The following PLEKHH2 variants were observed in gnomAD, a reference collection of about 807,000 sequenced individuals.
PLEKHH2 encodes pleckstrin homology domain-containing family H member 2.
A neutral mutation model predicts 187.9 loss-of-function variants in PLEKHH2; 129 were observed. That is an observed-to-expected ratio of 0.69 (90% CI 0.59 to 0.79). The LOEUF (loss-of-function observed/expected upper bound fraction) is 0.79, where lower values mean the gene tolerates loss of function less well. PLEKHH2 is among the 30% of genes least tolerant of loss of function. The pLI, the probability that PLEKHH2 is intolerant of heterozygous loss-of-function variation, is 0.00. For synonymous variants in PLEKHH2, 686 were observed against 605.6 expected (o/e 1.13, Z -1.95); for missense variants, 2,076 against 1,751.2 (o/e 1.19, Z -3.31).
At chr2:43,757,035 A>C in intron 25 of PLEKHH2, 84 bp from the exon 26 acceptor site, 3 of 1,068,018 alleles carry the variant, frequency 2.8e-6, no homozygotes, top group South Asian at 2.5e-5. Context: ...GTTAAAAAAG[A>C]ATGTTTAGAA....
chr2:43,638,825 A>G (rs1451583914), intron 1 of PLEKHH2, among the ~76,000 whole-genome samples: 1 of 152,154 alleles, frequency 6.6e-6, no homozygotes, highest in African/African-American at 2.4e-5. Context: ...TAACTAACTG[A>G]AATTACAGAA....
intron 17 of PLEKHH2, among the ~76,000 whole-genome samples, chr2:43,727,305 G>A (rs1670800946): frequency 6.6e-6 from 1 of 151,858 alleles, no homozygotes; most frequent in African/African-American, 2.4e-5. Context: ...CCAGCTACTT[G>A]GGAGGCTGAG....
In PLEKHH2 at chr2:43,713,245, A is replaced by C. The variant is rs995029800; in HGVS notation, c.2460+862A>C. On this transcript the variant is annotated intron_variant, in intron 15 of 29. Transcript: ENST00000282406. ...CATGTTTTTTTTCCTATTTTAAAAA[A>C]TGAGGTATGATTAATATATCTGAAA... Among the ~76,000 whole-genome samples, 3 of 152,206 alleles carry C rather than the reference A, an allele frequency of 2.0e-5. No individual in the cohort carries two copies. In the South Asian group the frequency reaches 6.2e-4, roughly 31 times the overall value.
In PLEKHH2 at chr2:43,700,339, C is replaced by A. The variant is rs150493851; in HGVS notation, c.1381C>A (p.Pro461Thr). 9 of 1,613,956 alleles carry A rather than the reference C, an allele frequency of 5.6e-6. No homozygotes were observed. Among genetic ancestry groups the A allele is most frequent in the African/African-American group, 1.3e-5 (1 of 74,900 alleles). ...ACTAGCCAAAAGGCACTTAAGCCAG[C>A]CACAGTTAAGCTCTGACAGGATGTT... ...VALAKRHLSQ[P>T]QLSSDRMFGT... The change falls in exon 8 of 30, where the codon CCA (proline) becomes ACA (threonine). Residue 461 changes from proline (P) to threonine (T), a missense_variant. Physicochemically the swap from Pro to Thr is conservative, Grantham distance 38. Transcript: ENST00000282406.
chr2:43,666,832 T>A (rs890878477), intron 2 of PLEKHH2, among the ~76,000 whole-genome samples: 2 of 152,212 alleles, frequency 1.3e-5, no homozygotes, highest in Admixed American at 1.3e-4. Flanking sequence ...TAAAAATTCC[T>A]TATATATTCT....
chr2:43,699,764 T>G lies in PLEKHH2; in HGVS notation c.806T>G (p.Phe269Cys). 2 of 1,614,156 alleles carry G rather than the reference T, an allele frequency of 1.2e-6. No individual in the cohort carries two copies. The highest frequency in any genetic ancestry group is 1.1e-5 in the South Asian group (1 of 91,078). Residue 269 changes from phenylalanine (F) to cysteine (C), a missense_variant, in exon 8 of 30, where the codon TTT (phenylalanine) becomes TGT (cysteine). Physicochemically the swap from Phe to Cys is radical, Grantham distance 205. Transcript: ENST00000282406. ...SEQNRKTRTS[F>C]ATDGGISQNS... ...CAGAATCGGAAAACAAGAACAAGCTTTGCCACAGATGGTGGCATCTCCCAG... is the reference window on the plus strand; with the variant it reads ...CAGAATCGGAAAACAAGAACAAGCTGTGCCACAGATGGTGGCATCTCCCAG...
rs1311166940 is a variant in PLEKHH2 at position 43,761,451 on chromosome 2, C to T, written c.4072-853C>T. 4.2e-5 allele frequency among the ~76,000 whole-genome samples: 6 copies of T among 142,590 alleles called. No individual in the cohort carries two copies. The South Asian group carries it at 1.2e-3, about 27-fold the overall frequency. 93.5% of individuals were successfully genotyped at this position (142,590 alleles called of 152,430 possible). ...TTTTAGATGAAGTCTCACTCTGTCA[C>T]ACAGGCTGGAGTGCAGTGGCACTAT... On this transcript the variant is annotated intron_variant, in intron 27 of 29. Transcript: ENST00000282406.
At chr2:43,675,969 T>C (rs755990667) in intron 2 of PLEKHH2, 50 of 1,613,926 alleles carry the variant, frequency 3.1e-5, no homozygotes, top group Middle Eastern at 1.6e-4. Flanking sequence ...TCCTCATCTG[T>C]ACCCACCTGT....
intron 8 of PLEKHH2, among the ~76,000 whole-genome samples, chr2:43,702,226 T>C (rs1249596148): frequency 1.3e-5 from 2 of 152,248 alleles, no homozygotes; most frequent in African/African-American, 4.8e-5. Flanking sequence ...GATGCAGTTT[T>C]AAGCAAATTA....
At chr2:43,754,248 C>G (rs564093421) in intron 25 of PLEKHH2, among the ~76,000 whole-genome samples, 7 of 151,870 alleles carry the variant, frequency 4.6e-5, no homozygotes, top group Non-Finnish European at 7.4e-5. Flanking sequence ...ATATTTAGCG[C>G]TCACATAGAG....
Position 43,678,851 on chromosome 2 carries a change from C to T in PLEKHH2, c.124-12C>T, listed in dbSNP as rs1400193016. 8 of 1,571,528 alleles carry T rather than the reference C, an allele frequency of 5.1e-6. No individual in the cohort carries two copies. Among genetic ancestry groups the T allele is most frequent in the Non-Finnish European group, 6.9e-6 (8 of 1,154,332 alleles). On this transcript the variant is annotated splice_polypyrimidine_tract_variant and intron_variant, in intron 2 of 29. Transcript: ENST00000282406. Reference sequence around the variant, plus strand: ...ATAAATTTTTGTATTTATATTTTCCCTCACTCTACAGATGCAACAGCTTGA... The same window carrying T: ...ATAAATTTTTGTATTTATATTTTCCTTCACTCTACAGATGCAACAGCTTGA...
rs141468618 is a variant in PLEKHH2, at chr2:43,688,712, A to G, written c.187-3802A>G. Among the ~76,000 whole-genome samples, 21 of 152,314 alleles carry G rather than the reference A, an allele frequency of 1.4e-4. 1 individual carries two copies. In the East Asian group the frequency reaches 4.1e-3, roughly 29 times the overall value. ...CGTTTATTACAGTGAAAAGATACAGATTAAAATCAACAAAGGAAAAGGGCA... is the reference window on the plus strand; with the variant it reads ...CGTTTATTACAGTGAAAAGATACAGGTTAAAATCAACAAAGGAAAAGGGCA... On this transcript the variant is annotated intron_variant, in intron 3 of 29. Coordinates refer to ENST00000282406, the MANE Select transcript of PLEKHH2 (RefSeq NM_172069.4).
At chr2:43,734,707 C>G (rs1671205908) in intron 19 of PLEKHH2, among the ~76,000 whole-genome samples, 1 of 152,180 alleles carries the variant, frequency 6.6e-6, no homozygotes, top group South Asian at 2.1e-4. Flanking sequence ...CCTCAAAAAA[C>G]TAAAAATAGA....
At chr2:43,745,753 G>T in intron 23 of PLEKHH2, 113 bp from the exon 24 acceptor site, 1 of 665,718 alleles carries the variant, frequency 1.5e-6, no homozygotes, top group South Asian at 2.2e-5. Context: ...AAAAGCTTGA[G>T]TATATTTGGT....
chr2:43,744,889 AAAAAG>A (rs1244291631), intron 23 of PLEKHH2, among the ~76,000 whole-genome samples: 1 of 150,542 alleles, frequency 6.6e-6, no homozygotes, highest in African/African-American at 2.4e-5. Context: ...AAAAAAAAAG[AAAAAG>A]AAAAGAAAGG....
At chr2:43,694,957 A>T (rs899614438) in intron 5 of PLEKHH2, among the ~76,000 whole-genome samples, 186 bp from the exon 6 acceptor site, 1 of 152,168 alleles carries the variant, frequency 6.6e-6, no homozygotes, top group Non-Finnish European at 1.5e-5. Context: ...GTAAATATTG[A>T]TACCATAATT....
At chr2:43,671,232 C>G (rs1667485119) in intron 2 of PLEKHH2, among the ~76,000 whole-genome samples, 1 of 152,102 alleles carries the variant, frequency 6.6e-6, no homozygotes, top group Non-Finnish European at 1.5e-5. Flanking sequence ...GGTTATCCAC[C>G]CACCTCGGCC....
At chr2:43,699,620 A>T (rs779806959) in intron 7 of PLEKHH2, 27 bp from the exon 8 acceptor site, 53 of 1,592,040 alleles carry the variant, frequency 3.3e-5, no homozygotes, top group Non-Finnish European at 8.5e-7. Context: ...TAAAGGCAGC[A>T]TGCTGATATG....
At position 43,675,415 on chromosome 2, in the gene PLEKHH2, G is replaced by A. The variant is rs752568720; in HGVS notation, c.124-3448G>A. ...ACCAACTGGAGGCAAGAAAACGAGT[G>A]TGTCATTGAAATAGTGTCCAAATGC... is the stretch of plus-strand genomic sequence containing the variant. On this transcript the variant is annotated intron_variant, in intron 2 of 29. Transcript: ENST00000282406. 2.3e-5 allele frequency: 37 copies of A among 1,606,932 alleles called. No homozygotes were observed. In the South Asian group the frequency reaches 4.1e-4, roughly 18 times the overall value.
Sources: allele counts gnomAD v4.1 joint callset (sites outside exome capture counted in the v4.1 genomes callset), GRCh38; gene constraint gnomAD v4.1.1; transcripts MANE v1.5; gene names NCBI Gene and HGNC (gene_info 2026-07-23, HGNC 2026-07-21).